The following KIR3DL1 variants were observed in gnomAD, a reference collection of about 807,000 sequenced individuals.
KIR3DL1 encodes the protein killer cell immunoglobulin like receptor, three Ig domains and long cytoplasmic tail 1, also known as killer cell immunoglobulin-like receptor 3DL1.
Under a neutral mutation model 40.3 loss-of-function variants are expected in KIR3DL1, and 50 were observed. The observed-to-expected ratio is 1.24, with a 90% CI of 0.99 to 1.57. The LOEUF (loss-of-function observed/expected upper bound fraction) is 1.57, where lower values mean the gene tolerates loss of function less well. Among genes scored for constraint, KIR3DL1 ranks in the 40% most tolerant of loss-of-function variants. The probability of loss-of-function intolerance (pLI) is 0.00; values close to 1 mark genes in which losing one functional copy is unlikely to be tolerated. For missense variants in KIR3DL1, 661 were observed against 559.9 expected (o/e 1.18, Z -1.82); for synonymous variants, 257 against 207.2 (o/e 1.24, Z -2.07).
exon 7 of KIR3DL1, chr19:54,829,458 C>T: frequency 1.4e-6 from 2 of 1,459,284 alleles, no homozygotes; most frequent in Non-Finnish European, 1.9e-6. Flanking sequence ...GGTGCTCCAA[C>T]AAAAAAAGTA....
exon 9 of KIR3DL1, chr19:54,830,446 T>C (rs1240454743): frequency 1.2e-6 from 1 of 840,530 alleles, no homozygotes; most frequent in African/African-American, 1.7e-5. Context: ...TGCTTACAAA[T>C]GTCTAGGTCC....
intron 5 of KIR3DL1, among the ~76,000 whole-genome samples, chr19:54,822,127 T>A (rs1277832361): frequency 1.3e-5 from 2 of 151,052 alleles, no homozygotes; most frequent in Non-Finnish European, 2.9e-5. Context: ...GGGCTTAGTT[T>A]GGGGAGATCA....
intron 1 of KIR3DL1, among the ~76,000 whole-genome samples, chr19:54,817,255 C>T (rs608387): frequency 0.59 from 79,496 of 134,910 alleles, 24,100 homozygotes; most frequent in East Asian, 0.8. Flanking sequence ...AGTGGACTTA[C>T]CAGCCTGGAG....
chr19:54,816,660 C>G (rs1265997905), intron 1 of KIR3DL1, 126 bp downstream of exon 1: 2 of 1,360,650 alleles, frequency 1.5e-6, no homozygotes, highest in East Asian at 2.7e-5. Flanking sequence ...AAGTGGAGAT[C>G]TGGGCCTGGA....
Position 54,816,932 on chromosome 19 carries a change from G to T in KIR3DL1, c.34+398G>T, listed in dbSNP as rs1477845732. ...GTTATGGGCCTGCAGTAGAGATATG[G>T]GCCTGAAGTGGAGATATGGGCCTGG... On this transcript the variant is annotated intron_variant, in intron 1 of 8. Transcript: ENST00000391728. 2.1e-5 allele frequency among the ~76,000 whole-genome samples: 3 copies of T among 142,660 alleles called. 1 individual carries two copies. The highest frequency in any genetic ancestry group is 8.0e-5 in the African/African-American group (3 of 37,694). The allele number at this position is 142,660 out of a possible 152,430, so 93.6% of individuals were successfully genotyped here. A position where few individuals can be genotyped will look rare whatever the true frequency, so the allele number is the denominator to read the frequency against.
rs756913234 is a variant in KIR3DL1 at position 54,821,662 on chromosome 19, C to A, written c.753C>A (p.Asp251Glu). The A allele has an allele frequency of 1.2e-5, 20 of 1,609,864 alleles. No homozygotes were observed. Among genetic ancestry groups the A allele is most frequent in the South Asian group, 2.2e-5 (2 of 90,660 alleles). The change falls in exon 5 of 9, where the codon GAC becomes GAA. Residue 251 changes from aspartate to glutamate, a missense_variant. This residue lies in a region of KIR3DL1 where 548 missense variants were observed against 413.3 expected (regional missense o/e 1.33). Transcript: ENST00000391728. ...CCTGTAGCTCCCGGAGCTCCTATGA[C>A]ATGTACCATCTATCCAGGGAGGGGG...
intron 4 of KIR3DL1, among the ~76,000 whole-genome samples, chr19:54,820,510 T>C (rs1252764321): frequency 6.6e-6 from 1 of 151,398 alleles, no homozygotes; most frequent in African/African-American, 2.4e-5. Flanking sequence ...TCCCAGGATA[T>C]CATGGCCCCT....
At chr19:54,821,418 A>G in intron 4 of KIR3DL1, 147 bp from the exon 5 acceptor site, 2 of 1,083,516 alleles carry the variant, frequency 1.8e-6, no homozygotes, top group South Asian at 1.6e-5. Context: ...GAAGGAGGAA[A>G]CAGATATGAA....
At chr19:54,825,042 A>T (rs1475709549) in exon 6 of KIR3DL1, 1 of 1,516,734 alleles carries the variant, frequency 6.6e-7, no homozygotes, top group East Asian at 2.2e-5. Flanking sequence ...CCCTTCAAGT[A>T]GTTGGCCTTC....
intron 5 of KIR3DL1, among the ~76,000 whole-genome samples, chr19:54,822,908 A>G (rs1236410430): frequency 6.9e-6 from 1 of 145,958 alleles, no homozygotes; most frequent in Non-Finnish European, 1.5e-5. Context: ...TTGACTCCAC[A>G]TCTTGGCTAC....
chr19:54,825,869 A>G (rs2061860152), intron 6 of KIR3DL1, among the ~76,000 whole-genome samples: 1 of 150,870 alleles, frequency 6.6e-6, no homozygotes, highest in Non-Finnish European at 1.5e-5. Context: ...GACTGGTCAC[A>G]TCTCACATGG....
exon 1 of KIR3DL1, chr19:54,816,525 G>A: frequency 6.2e-7 from 1 of 1,608,600 alleles, no homozygotes. Context: ...CGTCAGCATG[G>A]CGTGTGTTGG....
At chr19:54,823,759 C>T (rs1234901140) in intron 5 of KIR3DL1, among the ~76,000 whole-genome samples, 5 of 151,430 alleles carry the variant, frequency 3.3e-5, no homozygotes, top group East Asian at 1.9e-4. Context: ...CCTGAAGTGC[C>T]GGAATTACAG....
chr19:54,822,745 A>G (rs1448492964), intron 5 of KIR3DL1, among the ~76,000 whole-genome samples: 3 of 136,084 alleles, frequency 2.2e-5, no homozygotes, highest in African/African-American at 5.3e-5. Context: ...TATCTCCTGC[A>G]TGTGGGTGAG....
exon 3 of KIR3DL1, chr19:54,818,570 C>G: frequency 6.2e-7 from 1 of 1,611,108 alleles, no homozygotes; most frequent in Non-Finnish European, 8.5e-7. Flanking sequence ...TGGTCGGCAC[C>G]CAGCAACCCC....
Position 54,820,045 on chromosome 19 carries a change from C to T in KIR3DL1, c.655+33C>T, listed in dbSNP as rs768080577. The T allele has an allele frequency of 1.3e-5, 20 of 1,594,916 alleles. 1 individual carries two copies. The highest frequency in any genetic ancestry group is 2.2e-5 in the South Asian group (2 of 89,782). ...TGTCTAGACATTGTTCTCATTGTCA[C>T]TGGGACACAGAGTGAATGATCCAGG... On this transcript the variant is annotated intron_variant, in intron 4 of 8. Transcript: ENST00000391728.
Position 54,830,394 on chromosome 19 carries a change from G to C in KIR3DL1, c.*119G>C. 2.6e-5 allele frequency: 31 copies of C among 1,196,602 alleles called. 2 individuals carry two copies. Among genetic ancestry groups the C allele is most frequent in the Non-Finnish European group, 3.7e-5 (31 of 833,438 alleles). The allele number at this position is 1,196,602 out of a possible 1,614,324, so 74.1% of individuals were successfully genotyped here. ...CTGAAGGCGTGAGTCTTCATCTTAGGGCATCGCTCCTCCTCACGCCACAAA... is the reference window on the plus strand; with the variant it reads ...CTGAAGGCGTGAGTCTTCATCTTAGCGCATCGCTCCTCCTCACGCCACAAA... On this transcript the variant is annotated 3_prime_UTR_variant, in exon 9 of 9. Coordinates refer to ENST00000391728, the Ensembl canonical transcript of KIR3DL1.
chr19:54,818,507 C>A, exon 3 of KIR3DL1: 1 of 1,611,372 alleles, frequency 6.2e-7, no homozygotes, highest in Non-Finnish European at 8.5e-7. Flanking sequence ...GTGACCACAG[C>A]ACATGCAGGG....
rs550114585 is a variant in KIR3DL1 at position 54,818,424 on chromosome 19, A to G, written c.180A>G (p.Leu60=). 9.3e-6 allele frequency: 15 copies of G among 1,607,518 alleles called. 3 individuals carry two copies. Among genetic ancestry groups the G allele is most frequent in the Middle Eastern group, 1.7e-4 (1 of 6,046 alleles). The change falls in exon 3 of 9, where the codon CTA becomes CTG. Residue 60 remains leucine (L), a synonymous_variant. Coordinates refer to ENST00000391728, the Ensembl canonical transcript of KIR3DL1. Reference sequence around the variant, plus strand: ...GTCATAGGTTTAACAATTTCATGCTATACAAAGAAGACAGAATCCACATTC... The same window carrying G: ...GTCATAGGTTTAACAATTTCATGCTGTACAAAGAAGACAGAATCCACATTC...
Sources: allele counts gnomAD v4.1 joint callset (sites outside exome capture counted in the v4.1 genomes callset), GRCh38; gene constraint gnomAD v4.1.1; regional missense constraint gnomAD v4.1.1; transcripts MANE v1.5; gene names NCBI Gene and HGNC (gene_info 2026-07-23, HGNC 2026-07-21).